MADD: variants seen among roughly 807,000 people sequenced by gnomAD.
MADD encodes MAP kinase activating death domain.
MADD carries 109 observed loss-of-function variants against 176.7 expected under a neutral mutation model. The observed-to-expected ratio is 0.62, with a 90% CI of 0.53 to 0.72. The LOEUF (loss-of-function observed/expected upper bound fraction) is 0.72, where lower values mean the gene tolerates loss of function less well. MADD is among the 30% of genes least tolerant of loss of function. MADD has a pLI of 0.00. For missense variants in MADD, 1,914 were observed against 2,045.5 expected (o/e 0.94, Z 1.24); for synonymous variants, 771 against 771.3 (o/e 1.00, Z 0.01).
intron 22 of MADD, among the ~76,000 whole-genome samples, chr11:47,305,075 G>A (rs1049933684): frequency 2.8e-4 from 43 of 152,114 alleles, no homozygotes; most frequent in African/African-American, 9.7e-4. Context: ...CAGTGGCAGT[G>A]GTGGTATATG....
At chr11:47,301,505 T>C (rs1271881649) in intron 22 of MADD, among the ~76,000 whole-genome samples, 1 of 152,208 alleles carries the variant, frequency 6.6e-6, no homozygotes, top group Non-Finnish European at 1.5e-5. Flanking sequence ...CTTTCACAAT[T>C]CTTTGAGCTG....
intron 4 of MADD, 22 bp downstream of exon 4, chr11:47,276,224 C>A: frequency 6.3e-7 from 1 of 1,578,076 alleles, no homozygotes; most frequent in South Asian, 1.1e-5. Context: ...GCTTCCTAGA[C>A]CTTTCTAGGG....
chr11:47,324,334 C>T, exon 29 of MADD: 1 of 1,614,170 alleles, frequency 6.2e-7, no homozygotes, highest in Non-Finnish European at 8.5e-7. Flanking sequence ...AAGCATCAAA[C>T]CCGGTGAGGA....
intron 27 of MADD, among the ~76,000 whole-genome samples, chr11:47,316,159 G>A (rs1010060140): frequency 2.1e-4 from 26 of 125,260 alleles, no homozygotes; most frequent in Middle Eastern, 3.8e-3. Context: ...ACACGTGCGC[G>A]CGCACACACA....
chr11:47,327,869 C>G, intron 31 of MADD: 1 of 985,424 alleles, frequency 1.0e-6, no homozygotes, highest in Non-Finnish European at 1.2e-6. Context: ...GTGGCTGAGC[C>G]TGGGGGGCCT....
At chr11:47,295,639 G>A (rs1366047685) in intron 21 of MADD, 60 bp downstream of exon 23, 7 of 1,610,392 alleles carry the variant, frequency 4.3e-6, no homozygotes, top group Non-Finnish European at 5.9e-6. Context: ...CTTTGGAAAA[G>A]GGTGCTACTT....
intron 15 of MADD, among the ~76,000 whole-genome samples, chr11:47,286,750 C>G (rs957454927): frequency 6.6e-6 from 1 of 152,190 alleles, no homozygotes; most frequent in Admixed American, 6.5e-5. Flanking sequence ...TCATTTAGGA[C>G]AATGGCAACT....
At position 47,282,800 on chromosome 11, in the gene MADD, C is replaced by T. The variant is rs780928414; in HGVS notation, c.1706-13C>T. ...TTGCTGCTGACTTTCTGTTCTTTTC[C>T]CTCATGGGGTAGATATGTTTGATCC... On this transcript the variant is annotated splice_polypyrimidine_tract_variant and intron_variant, in intron 9 of 32. Coordinates refer to ENST00000402192, the Ensembl canonical transcript of MADD. 3.1e-6 allele frequency: 5 copies of T among 1,609,540 alleles called. No homozygotes were observed. The highest frequency in any genetic ancestry group is 4.2e-6 in the Non-Finnish European group (5 of 1,176,796).
chr11:47,280,912 A>G (rs1322037947), intron 7 of MADD, among the ~76,000 whole-genome samples: 1 of 152,248 alleles, frequency 6.6e-6, no homozygotes, highest in African/African-American at 2.4e-5. Context: ...CCTTGGACTC[A>G]TTGATCCTGT....
chr11:47,281,064 A>G (rs2056218676), intron 7 of MADD, among the ~76,000 whole-genome samples: 1 of 151,904 alleles, frequency 6.6e-6, no homozygotes, highest in African/African-American at 2.4e-5. Context: ...TCTTCTCCTC[A>G]CTCACATTTG....
chr11:47,278,113 T>G, intron 5 of MADD, 52 bp from the exon 6 acceptor site: 1 of 1,195,050 alleles, frequency 8.4e-7, no homozygotes, highest in Non-Finnish European at 1.3e-6. Context: ...ACTTGATAAG[T>G]GCTCATGATA....
At chr11:47,289,775 A>C in intron 16 of MADD, 92 bp from the exon 18 acceptor site, 1 of 1,404,978 alleles carries the variant, frequency 7.1e-7, no homozygotes, top group Non-Finnish European at 9.9e-7. Context: ...TTTGTGTTTT[A>C]CCCCTGGAGG....
Position 47,326,562 on chromosome 11 carries a change from C to T in MADD, c.4543-176C>T, listed in dbSNP as rs1279822348. The T allele has an allele frequency of 7.1e-7, 1 of 1,416,840 alleles. No individual in the cohort carries two copies. Among genetic ancestry groups the T allele is most frequent in the African/African-American group, 1.4e-5 (1 of 69,476 alleles). The allele number at this position is 1,416,840 out of a possible 1,614,324, so 87.8% of individuals were successfully genotyped here. On this transcript the variant is annotated intron_variant, in intron 30 of 32. Coordinates refer to ENST00000402192, the Ensembl canonical transcript of MADD. Reference sequence around the variant, plus strand: ...CGGCCAGGAGCGGAAGGTACATGCCCTTTCTGCTATCTTCGCTTCTTAGCG... The same window carrying T: ...CGGCCAGGAGCGGAAGGTACATGCCTTTTCTGCTATCTTCGCTTCTTAGCG...
At chr11:47,284,902 G>T in intron 12 of MADD, 39 bp from the exon 13 acceptor site, 1 of 1,609,290 alleles carries the variant, frequency 6.2e-7, no homozygotes, top group South Asian at 1.1e-5. Flanking sequence ...GGTACCATTG[G>T]GCACCAGGTA....
chr11:47,293,747 G>A, intron 19 of MADD, 136 bp from the exon 22 acceptor site: 1 of 621,214 alleles, frequency 1.6e-6, no homozygotes, highest in Non-Finnish European at 2.9e-6. Context: ...TGGGTCCTGA[G>A]TGGGGGGTAG....
At chr11:47,300,381 A>G (rs941841074) in intron 22 of MADD, among the ~76,000 whole-genome samples, 5 of 147,908 alleles carry the variant, frequency 3.4e-5, no homozygotes, top group Admixed American at 2.0e-4. Context: ...TAATTTTTGT[A>G]TTTTCAGTAG....
At chr11:47,282,358 T>C in intron 8 of MADD, 23 bp from the exon 9 acceptor site, 1 of 1,594,988 alleles carries the variant, frequency 6.3e-7, no homozygotes, top group Non-Finnish European at 8.6e-7. Flanking sequence ...GGTCTCAGAT[T>C]ATCTCATCAT....
At chr11:47,294,241 C>T (rs902209997) in intron 20 of MADD, among the ~76,000 whole-genome samples, 9 of 151,118 alleles carry the variant, frequency 6.0e-5, no homozygotes, top group Non-Finnish European at 1.0e-4. Flanking sequence ...CCCAGCTACT[C>T]GGGAGGCTGA....
intron 22 of MADD, among the ~76,000 whole-genome samples, chr11:47,297,750 G>C (rs1390764963): frequency 7.0e-6 from 1 of 142,156 alleles, no homozygotes; most frequent in African/African-American, 2.6e-5. Flanking sequence ...CCGGCCAAGG[G>C]TTTTCAATAA....
Sources: gnomAD v4.1 joint callset for allele counts (sites outside exome capture counted in the v4.1 genomes callset) on GRCh38, gnomAD v4.1.1 for gene constraint, MANE v1.5 for transcripts, NCBI Gene and HGNC (gene_info 2026-07-23, HGNC 2026-07-21) for gene names.